The following SEC23A variants were observed in gnomAD, a reference collection of about 807,000 sequenced individuals.
SEC23A encodes the protein SEC23 homolog A, COPII component, also known as protein transport protein Sec23A.
SEC23A carries 56 observed loss-of-function variants against 103.7 expected under a neutral mutation model. The ratio of observed to expected loss-of-function variants is 0.54; its 90% CI spans 0.44 to 0.67. The LOEUF is 0.67. Among genes scored for constraint, SEC23A ranks in the 30% least tolerant of loss-of-function variants. The pLI, the probability that SEC23A is intolerant of heterozygous loss-of-function variation, is 0.00. For missense variants in SEC23A, 784 were observed against 936.4 expected (o/e 0.84, Z 2.12); for synonymous variants, 281 against 293.0 (o/e 0.96, Z 0.42).
chr14:39,065,697 A>T (rs931245145), intron 10 of SEC23A, among the ~76,000 whole-genome samples: 1 of 152,018 alleles, frequency 6.6e-6, no homozygotes, highest in African/African-American at 2.4e-5. Context: ...ATCCTCTAAC[A>T]TCTTTAAGAA....
rs1334687060 is a variant in SEC23A, at chr14:39,033,064, T to C, written c.*175A>G. 5 of 617,470 alleles carry C rather than the reference T, an allele frequency of 8.1e-6. No homozygotes were observed. Among genetic ancestry groups the C allele is most frequent in the Non-Finnish European group, 1.5e-5 (5 of 340,864 alleles). The allele number at this position is 617,470 out of a possible 1,614,324, so 38.2% of individuals were successfully genotyped here. A position where few individuals can be genotyped will look rare whatever the true frequency, so the allele number is the denominator to read the frequency against. ...AATAAATTTGTTCTTATTGCTCTCA[T>C]TATAATTCCAGCTTAATCTACAAAT... On this transcript the variant is annotated 3_prime_UTR_variant, in exon 20 of 20. Coordinates refer to ENST00000307712, the MANE Select transcript of SEC23A (RefSeq NM_006364.4).
At chr14:39,094,482 C>A in intron 2 of SEC23A, among the ~76,000 whole-genome samples, 1 of 122,884 alleles carries the variant, frequency 8.1e-6, no homozygotes, top group East Asian at 2.4e-4. Context: ...GAAATGGAGT[C>A]TTGCTTTGCT....
intron 13 of SEC23A, among the ~76,000 whole-genome samples, chr14:39,058,123 C>CTGTT (rs1203046764): frequency 1.3e-5 from 2 of 152,060 alleles, no homozygotes; most frequent in Non-Finnish European, 1.5e-5. Flanking sequence ...TACATTTTAT[C>CTGTT]TGTTTGTTTG....
At chr14:39,071,058 T>C (rs1035138396) in intron 9 of SEC23A, among the ~76,000 whole-genome samples, 2 of 151,806 alleles carry the variant, frequency 1.3e-5, no homozygotes, top group African/African-American at 4.8e-5. Flanking sequence ...CTAAACGACT[T>C]ACCCCGAAGA....
At position 39,032,250 on chromosome 14, in the gene SEC23A, T is replaced by G. The variant is rs760385677; in HGVS notation, c.*989A>C. 6.6e-6 allele frequency: 1 copy of G among 152,600 alleles called. No individual in the cohort carries two copies. The highest frequency in any genetic ancestry group is 1.5e-5 in the Non-Finnish European group (1 of 68,020). 9.5% of individuals were successfully genotyped at this position (152,600 alleles called of 1,614,324 possible). On this transcript the variant is annotated 3_prime_UTR_variant, in exon 20 of 20. Coordinates refer to ENST00000307712, the MANE Select transcript of SEC23A (RefSeq NM_006364.4). ...ACTAATGAATAAATCAAAATAGAAC[T>G]GAGCATCACATGATATAATTAAGCA...
chr14:39,039,219 C>G, intron 18 of SEC23A, 123 bp from the exon 19 acceptor site: 2 of 798,572 alleles, frequency 2.5e-6, no homozygotes, highest in Non-Finnish European at 2.0e-6. Flanking sequence ...ATTTTATTAA[C>G]TTAATTTTTA....
At chr14:39,096,664 T>C (rs555149752) in intron 1 of SEC23A, among the ~76,000 whole-genome samples, 6 of 152,300 alleles carry the variant, frequency 3.9e-5, no homozygotes, top group Admixed American at 1.3e-4. Flanking sequence ...CACTTTTTTA[T>C]TCACTCTAAA....
At chr14:39,049,942 G>T (rs953403944) in intron 14 of SEC23A, among the ~76,000 whole-genome samples, 15 of 151,840 alleles carry the variant, frequency 9.9e-5, no homozygotes, top group African/African-American at 3.4e-4. Context: ...CTAATTTTTT[G>T]TATTTTTATT....
intron 10 of SEC23A, among the ~76,000 whole-genome samples, chr14:39,065,668 T>C (rs1431294101): frequency 6.6e-6 from 1 of 152,042 alleles, no homozygotes; most frequent in African/African-American, 2.4e-5. Flanking sequence ...TCACACTGGG[T>C]TCCTGAATAA....
chr14:39,041,607 C>T (rs1885649758), intron 17 of SEC23A, among the ~76,000 whole-genome samples: 1 of 151,788 alleles, frequency 6.6e-6, no homozygotes, highest in Non-Finnish European at 1.5e-5. Flanking sequence ...CGATGGCTCA[C>T]GCCTATAATC....
chr14:39,092,637 G>C lies in SEC23A; in HGVS notation c.280-10C>G. Reference sequence around the variant, plus strand: ...CATAACTAGGTGGAAACTACAAATAGAAAACAAACAAAAATTTTTAACAAA... The same window carrying C: ...CATAACTAGGTGGAAACTACAAATACAAAACAAACAAAAATTTTTAACAAA... On this transcript the variant is annotated splice_polypyrimidine_tract_variant and intron_variant, in intron 3 of 19. Coordinates refer to ENST00000307712, the MANE Select transcript of SEC23A (RefSeq NM_006364.4). The C allele has an allele frequency of 6.4e-7, 1 of 1,566,364 alleles. No individual in the cohort carries two copies.
chr14:39,057,808 T>C lies in SEC23A; in HGVS notation c.1506-2512A>G, dbSNP rs144527778. The stretch of plus-strand genomic sequence containing the variant: ...AATATAGAAATACAAAAATAAAGGT[T>C]TTCTCTCAACCTAAGTAATTCTTGT... On this transcript the variant is annotated intron_variant, in intron 13 of 19. Coordinates refer to ENST00000307712, the MANE Select transcript of SEC23A (RefSeq NM_006364.4). Among the ~76,000 whole-genome samples, 794 of 152,352 alleles carry C rather than the reference T, an allele frequency of 5.2e-3. 10 individuals carry two copies. The highest frequency in any genetic ancestry group is 0.018 in the African/African-American group (762 of 41,586).
At chr14:39,071,035 G>GA (rs950639437) in intron 9 of SEC23A, among the ~76,000 whole-genome samples, 49 of 142,642 alleles carry the variant, frequency 3.4e-4, no homozygotes, top group East Asian at 1.0e-3. Context: ...CTCAAAAAAA[G>GA]AAAAAAAAAA....
chr14:39,093,703 G>A (rs1887744013), intron 2 of SEC23A, among the ~76,000 whole-genome samples: 1 of 152,176 alleles, frequency 6.6e-6, no homozygotes, highest in South Asian at 2.1e-4. Flanking sequence ...CAAAGATACA[G>A]TGAGCCACAA....
In SEC23A at chr14:39,062,420, T is replaced by C. The variant is rs540168149; in HGVS notation, c.1399-549A>G. 1.5e-4 allele frequency among the ~76,000 whole-genome samples: 23 copies of C among 152,258 alleles called. No individual in the cohort carries two copies. The South Asian group carries it at 4.6e-3, about 30-fold the overall frequency. ...ATTTTGAAACATTTCAGATTTCAGA[T>C]CTGAGATGTTCAACTTGTAACTAGA... On this transcript the variant is annotated intron_variant, in intron 12 of 19. Transcript: ENST00000307712.
intron 7 of SEC23A, among the ~76,000 whole-genome samples, chr14:39,085,427 T>C (rs546635600): frequency 2.0e-5 from 3 of 152,260 alleles, no homozygotes; most frequent in Admixed American, 1.3e-4. Flanking sequence ...CAGAGAAGTA[T>C]AGGTGACAAC....
At chr14:39,092,210 C>A (rs1036306360) in intron 4 of SEC23A, among the ~76,000 whole-genome samples, 1 of 152,110 alleles carries the variant, frequency 6.6e-6, no homozygotes, top group African/African-American at 2.4e-5. Flanking sequence ...ATTAATTAGA[C>A]CTGGGGGATA....
intron 2 of SEC23A, chr14:39,095,160 A>C (rs1197010365): frequency 1.7e-5 from 9 of 538,962 alleles, no homozygotes; most frequent in Non-Finnish European, 2.6e-5. Context: ...AATGTTCTAG[A>C]GGTAGATCAC....
intron 17 of SEC23A, among the ~76,000 whole-genome samples, chr14:39,042,036 C>T (rs1195430706): frequency 6.6e-6 from 1 of 152,204 alleles, no homozygotes; most frequent in African/African-American, 2.4e-5. Context: ...ATCCTCCTGC[C>T]TTGGCCTCCC....
Sources: gnomAD v4.1 joint callset for allele counts (sites outside exome capture counted in the v4.1 genomes callset) on GRCh38, gnomAD v4.1.1 for gene constraint, MANE v1.5 for transcripts, NCBI Gene and HGNC (gene_info 2026-07-23, HGNC 2026-07-21) for gene names.